Variants in AGO4 observed in about 807,000 individuals in gnomAD.
AGO4 encodes protein argonaute-4.
AGO4 carries 33 observed loss-of-function variants against 104.7 expected under a neutral mutation model. The ratio of observed to expected loss-of-function variants is 0.32; its 90% confidence interval spans 0.24 to 0.42. The LOEUF (loss-of-function observed/expected upper bound fraction) is 0.42, where lower values mean the gene tolerates loss of function less well. AGO4 is among the 10% of genes least tolerant of loss of function. AGO4 has a pLI of 1.00. For synonymous variants in AGO4, 331 were observed against 364.7 expected (o/e 0.91, Z 1.05); for missense variants, 711 against 1,083.4 (o/e 0.66, Z 4.83).
intron 3 of AGO4, among the ~76,000 whole-genome samples, 169 bp from the exon 4 acceptor site, chr1:35,825,144 A>G (rs1272125849): frequency 6.6e-6 from 1 of 152,198 alleles, no homozygotes. Context: ...AATGTTACAT[A>G]TTAAATTATA....
rs1405143056 is a variant in AGO4, at chr1:35,850,859, C to T, written c.2283C>T (p.Thr761=). 6.2e-7 allele frequency: 1 copy of T among 1,611,534 alleles called. No individual in the cohort carries two copies. Among genetic ancestry groups the T allele is most frequent in the Non-Finnish European group, 8.5e-7 (1 of 1,178,850 alleles). ...TCATAAAACTCTCTCCTCAGGGAAC[C>T]AGCCGTCCCTCACATTACCAGGTCT... The part of the protein sequence containing the change: ...YLCSHAGIQG[T]SRPSHYQVLW... The change falls in exon 17 of 18, where the codon ACC becomes ACT. Residue 761 remains threonine, a synonymous_variant. Coordinates refer to ENST00000373210, the MANE Select transcript of AGO4 (RefSeq NM_017629.4).
chr1:35,817,770 T>C (rs1213312426), intron 2 of AGO4, among the ~76,000 whole-genome samples: 1 of 152,222 alleles, frequency 6.6e-6, no homozygotes. Flanking sequence ...CCGCTTGATA[T>C]TTTTCTCATT....
chr1:35,810,863 G>C (rs1278286955), intron 1 of AGO4, among the ~76,000 whole-genome samples: 1 of 152,178 alleles, frequency 6.6e-6, no homozygotes, highest in Non-Finnish European at 1.5e-5. Flanking sequence ...AAACTGTGGT[G>C]GTTCATGCCT....
chr1:35,827,272 C>G (rs1020636413), intron 7 of AGO4, among the ~76,000 whole-genome samples: 1 of 151,982 alleles, frequency 6.6e-6, no homozygotes, highest in African/African-American at 2.4e-5. Flanking sequence ...GTTATCTCAG[C>G]ACTTTGGGAG....
rs113891635 is a variant in AGO4, at chr1:35,811,470, C to CAA, written c.19+3045_19+3046dup. 2.6e-3 allele frequency among the ~76,000 whole-genome samples: 351 copies of CAA among 135,890 alleles called. 2 individuals carry two copies. Among genetic ancestry groups the CAA allele is most frequent in the African/African-American group, 9.0e-3 (340 of 37,738 alleles). The allele number at this position is 135,890 out of a possible 152,430, so 89.1% of individuals were successfully genotyped here. On this transcript the variant is annotated intron_variant, in intron 1 of 17. Transcript: ENST00000373210. ...GAGCAAGACTCCATCCAAAAAAAAA[C>CAA]AAAAAAAAAAACAAAAACCAACCAC...
intron 15 of AGO4, among the ~76,000 whole-genome samples, chr1:35,847,533 G>A (rs1644601344): frequency 6.6e-6 from 1 of 152,088 alleles, no homozygotes; most frequent in African/African-American, 2.4e-5. Flanking sequence ...ACTGCTCCCG[G>A]CCCAAGTTTA....
At chr1:35,852,950 T>C (rs1622395) in intron 17 of AGO4, among the ~76,000 whole-genome samples, 149,770 of 152,284 alleles carry the variant, frequency 0.98, 73,696 homozygotes, top group East Asian at 1. Flanking sequence ...TTGCAGCAGC[T>C]CATTAAAGAA....
intron 12 of AGO4, among the ~76,000 whole-genome samples, chr1:35,835,170 C>G (rs1342598696): frequency 6.6e-6 from 1 of 152,056 alleles, no homozygotes; most frequent in Non-Finnish European, 1.5e-5. Flanking sequence ...CCATCTCCTG[C>G]CTCAGCCCCC....
intron 15 of AGO4, among the ~76,000 whole-genome samples, chr1:35,846,061 C>T (rs568238142): frequency 7.9e-5 from 12 of 152,292 alleles, no homozygotes; most frequent in African/African-American, 2.6e-4. Context: ...GTATAATCCT[C>T]CCCCAGGCAG....
intron 15 of AGO4, among the ~76,000 whole-genome samples, chr1:35,847,766 G>A (rs1557581020): frequency 1.3e-5 from 2 of 151,828 alleles, no homozygotes; most frequent in African/African-American, 4.8e-5. Flanking sequence ...ATGTTTTATT[G>A]TTTTTAATTT....
chr1:35,825,858 T>TTTTG lies in AGO4; in HGVS notation c.626-52_626-49dup, dbSNP rs761190583. Reference sequence around the variant, plus strand: ...TTATCCAATAACTCTTTGGGCTGGTTTTTGTTTGTTTGTTTGTTTTGGCCC... The same window carrying TTTTG: ...TTATCCAATAACTCTTTGGGCTGGTTTTTGTTTGTTTGTTTGTTTGTTTTGGCCC... On this transcript the variant is annotated intron_variant, in intron 5 of 17. Transcript: ENST00000373210. 46 of 1,596,176 alleles carry TTTTG rather than the reference T, an allele frequency of 2.9e-5. No individual in the cohort carries two copies. In the Admixed American group the frequency reaches 3.3e-4, roughly 12 times the overall value.
chr1:35,850,136 A>C, intron 15 of AGO4, 21 bp from the exon 16 acceptor site: 1 of 1,537,758 alleles, frequency 6.5e-7, no homozygotes, highest in Non-Finnish European at 8.8e-7. Context: ...ATGACTAATT[A>C]CTTTTTTTTG....
At chr1:35,846,630 T>TA (rs1644580954) in intron 15 of AGO4, among the ~76,000 whole-genome samples, 1 of 135,456 alleles carries the variant, frequency 7.4e-6, no homozygotes, top group African/African-American at 2.7e-5. Flanking sequence ...TATATATATA[T>TA]TTAGGGACAG....
intron 17 of AGO4, among the ~76,000 whole-genome samples, chr1:35,852,058 G>A (rs1419599076): frequency 6.6e-6 from 1 of 152,190 alleles, no homozygotes; most frequent in Non-Finnish European, 1.5e-5. Flanking sequence ...AGAATTTTCA[G>A]GGCAGAGAGA....
intron 1 of AGO4, among the ~76,000 whole-genome samples, chr1:35,813,122 T>C (rs564903860): frequency 3.3e-5 from 5 of 152,146 alleles, no homozygotes; most frequent in African/African-American, 9.6e-5. Flanking sequence ...AAGAATACTT[T>C]TAGTGGGCCG....
intron 13 of AGO4, among the ~76,000 whole-genome samples, chr1:35,836,430 A>G (rs1644314494): frequency 6.6e-6 from 1 of 152,124 alleles, no homozygotes; most frequent in Non-Finnish European, 1.5e-5. Context: ...AATTTATTCT[A>G]CTATTGATCA....
intron 17 of AGO4, among the ~76,000 whole-genome samples, chr1:35,853,215 A>C (rs1029786194): frequency 6.6e-5 from 10 of 150,600 alleles, no homozygotes; most frequent in South Asian, 2.1e-4. Context: ...TGCGCCACTG[A>C]ACTCCAGCCT....
intron 2 of AGO4, among the ~76,000 whole-genome samples, chr1:35,820,192 C>T (rs760807603): frequency 4.0e-5 from 6 of 151,668 alleles, no homozygotes; most frequent in East Asian, 1.9e-4. Flanking sequence ...TGGAGGACGT[C>T]GATAACAGTA....
intron 13 of AGO4, among the ~76,000 whole-genome samples, chr1:35,837,320 G>A (rs1644336766): frequency 6.6e-6 from 1 of 151,598 alleles, no homozygotes; most frequent in Admixed American, 6.6e-5. Flanking sequence ...CTGACCTCAA[G>A]TGATCCGCCT....
Sources: gnomAD v4.1 joint callset for allele counts (sites outside exome capture counted in the v4.1 genomes callset) on GRCh38, gnomAD v4.1.1 for gene constraint, MANE v1.5 for transcripts, NCBI Gene and HGNC (gene_info 2026-07-23, HGNC 2026-07-21) for gene names.